The following NHSL2 variants were observed in gnomAD, a reference collection of about 807,000 sequenced individuals.
The protein encoded by NHSL2 is NHS like 2, also known as NHS-like protein 2.
Under a neutral mutation model 53.4 loss-of-function variants are expected in NHSL2, and 27 were observed. The ratio of observed to expected loss-of-function variants is 0.51; its 90% CI spans 0.37 to 0.70. The LOEUF is 0.70. Ranked by LOEUF, NHSL2 falls within the 30% of genes least tolerant of loss-of-function variation. The probability of loss-of-function intolerance (pLI) is 0.00; values close to 1 mark genes in which losing one functional copy is unlikely to be tolerated. For synonymous variants in NHSL2, 408 were observed against 404.1 expected, an observed-to-expected ratio of 1.01 and a Z score of -0.12; for missense variants, 892 against 980.1, an observed-to-expected ratio of 0.91 and a Z score of 1.20.
At chrX:72,053,184 G>A (rs766974348) in intron 1 of NHSL2, among the ~76,000 whole-genome samples, 8 of 112,061 alleles carry the variant, frequency 7.1e-5, no homozygotes, top group Non-Finnish European at 1.5e-4. Context: ...GGAATTAGGA[G>A]CCTTCTCTCT....
At chrX:72,091,322 T>G (rs937798884) in intron 1 of NHSL2, among the ~76,000 whole-genome samples, 1 of 111,150 alleles carries the variant, frequency 9.0e-6, no homozygotes, top group Non-Finnish European at 1.9e-5. Flanking sequence ...GGCGTGGTGG[T>G]GGGCGCCTGT....
chrX:72,068,590 C>T (rs767901904), intron 1 of NHSL2, among the ~76,000 whole-genome samples: 1 of 112,409 alleles, frequency 8.9e-6, no homozygotes, highest in South Asian at 3.7e-4. Context: ...ACCACCTGCC[C>T]GGTGTCGCTT....
At chrX:72,078,916 C>T (rs756581621) in intron 1 of NHSL2, among the ~76,000 whole-genome samples, 11 of 112,160 alleles carry the variant, frequency 9.8e-5, no homozygotes, top group Non-Finnish European at 1.7e-4. Context: ...GTCTTTTCAA[C>T]GCAGATGGCT....
chrX:72,079,538 G>C (rs1320820809), intron 1 of NHSL2, among the ~76,000 whole-genome samples: 2 of 112,473 alleles, frequency 1.8e-5, no homozygotes, highest in Non-Finnish European at 3.8e-5. Context: ...GATGATAGGA[G>C]ATGACCTCTA....
intron 1 of NHSL2, among the ~76,000 whole-genome samples, chrX:71,964,284 A>G (rs1351151827): frequency 2.0e-5 from 2 of 99,908 alleles, no homozygotes; most frequent in Non-Finnish European, 2.0e-5. Flanking sequence ...TCATTGTTCA[A>G]CTCCCACTTA....
At position 72,140,194 on chromosome X, in the gene NHSL2, A is replaced by C. The variant is rs759656207; in HGVS notation, c.2646A>C (p.Pro882=). ...AEKPPVARRP[P]SLVHKPPSVP... ...AGCCTCCGGTGGCCCGGAGGCCTCC[A>C]AGCTTGGTCCACAAGCCACCATCTG... is the stretch of plus-strand genomic sequence containing the variant. The change falls in exon 6 of 8, where the codon CCA becomes CCC. Residue 882 remains proline (P), a synonymous_variant. Transcript: ENST00000633930. 1.2e-5 allele frequency: 14 copies of C among 1,208,640 alleles called. No individual in the cohort carries two copies. Among genetic ancestry groups the C allele is most frequent in the Middle Eastern group, 2.3e-4 (1 of 4,366 alleles).
At chrX:72,131,929 G>A in intron 1 of NHSL2, 150 bp from the exon 2 acceptor site, 1 of 525,352 alleles carries the variant, frequency 1.9e-6, no homozygotes, top group Non-Finnish European at 3.1e-6. Flanking sequence ...AAATCTTGCG[G>A]CCGGCGATTC....
At chrX:72,039,284 A>G (rs953476551) in intron 1 of NHSL2, among the ~76,000 whole-genome samples, 1 of 110,633 alleles carries the variant, frequency 9.0e-6, no homozygotes, top group Non-Finnish European at 1.9e-5. Context: ...TTTTAACATT[A>G]TGCTTTTGAG....
At chrX:72,124,851 C>T (rs2042209870) in intron 1 of NHSL2, among the ~76,000 whole-genome samples, 1 of 111,945 alleles carries the variant, frequency 8.9e-6, no homozygotes, top group Non-Finnish European at 1.9e-5. Context: ...TTAGGACCCT[C>T]GCCATCCTTG....
chrX:72,048,987 G>GAGA (rs1297031122), intron 1 of NHSL2, among the ~76,000 whole-genome samples: 54 of 35,539 alleles, frequency 1.5e-3, no homozygotes, highest in Non-Finnish European at 1.9e-3. Flanking sequence ...GAAGAAGGAG[G>GAGA]AGAAGAAGAA....
intron 1 of NHSL2, among the ~76,000 whole-genome samples, chrX:71,944,919 C>T (rs192169552): frequency 3.6e-5 from 4 of 112,128 alleles, no homozygotes; most frequent in African/African-American, 9.7e-5. Context: ...AATGTGACTA[C>T]TTCAGGAACT....
At chrX:72,021,360 A>G (rs907832167) in intron 1 of NHSL2, among the ~76,000 whole-genome samples, 1 of 111,602 alleles carries the variant, frequency 9.0e-6, no homozygotes, top group African/African-American at 3.3e-5. Context: ...CCTCCAGTTC[A>G]CTGCCTGTCA....
At chrX:71,994,706 G>C (rs987661277) in intron 1 of NHSL2, among the ~76,000 whole-genome samples, 1 of 111,855 alleles carries the variant, frequency 8.9e-6, no homozygotes, top group African/African-American at 3.3e-5. Flanking sequence ...TGGGTTTGGA[G>C]CTGGGGAGTG....
At chrX:72,048,987 G>GAAGAAGAAGA (rs2042321510) in intron 1 of NHSL2, among the ~76,000 whole-genome samples, 1 of 35,529 alleles carries the variant, frequency 2.8e-5, no homozygotes, top group African/African-American at 7.1e-5. Context: ...GAAGAAGGAG[G>GAAGAAGAAGA]AGAAGAAGAA....
At chrX:72,082,367 A>G (rs1322717874) in intron 1 of NHSL2, among the ~76,000 whole-genome samples, 1 of 111,963 alleles carries the variant, frequency 8.9e-6, no homozygotes, top group African/African-American at 3.2e-5. Flanking sequence ...CTCCTTGCCT[A>G]CATGCCTTAG....
chrX:71,939,023 G>A (rs1434047067), intron 1 of NHSL2, among the ~76,000 whole-genome samples: 1 of 112,715 alleles, frequency 8.9e-6, no homozygotes, highest in African/African-American at 3.2e-5. Flanking sequence ...CATGGCAAGT[G>A]CTCTGACAAG....
intron 1 of NHSL2, among the ~76,000 whole-genome samples, chrX:72,055,917 C>T (rs2042366632): frequency 8.9e-6 from 1 of 112,517 alleles, no homozygotes; most frequent in Non-Finnish European, 1.9e-5. Flanking sequence ...AAAGCATATT[C>T]TAACCTTGGT....
chrX:72,001,792 A>T (rs757089669), intron 1 of NHSL2, among the ~76,000 whole-genome samples: 3 of 112,229 alleles, frequency 2.7e-5, no homozygotes, highest in Non-Finnish European at 5.6e-5. Flanking sequence ...GCCCAGTCTG[A>T]ATCCTACCTT....
intron 1 of NHSL2, among the ~76,000 whole-genome samples, chrX:71,926,625 A>AATAT (rs202152447): frequency 5.5e-4 from 60 of 109,049 alleles, no homozygotes; most frequent in African/African-American, 2.0e-3. Context: ...TCACCTTGAG[A>AATAT]ATATACATAT....
Sources: allele counts gnomAD v4.1 joint callset (sites outside exome capture counted in the v4.1 genomes callset), GRCh38; gene constraint gnomAD v4.1.1; transcripts MANE v1.5; gene names NCBI Gene and HGNC (gene_info 2026-07-23, HGNC 2026-07-21).